HSD17B4: variants seen among roughly 807,000 people sequenced by gnomAD.
The protein encoded by HSD17B4 is hydroxysteroid 17-beta dehydrogenase 4, also known as peroxisomal multifunctional enzyme type 2.
In HSD17B4, 70 loss-of-function variants were observed where a neutral mutation model predicts 101.0. The observed-to-expected ratio is 0.69, with a 90% confidence interval of 0.57 to 0.85. The LOEUF is 0.85. HSD17B4 is among the 40% of genes least tolerant of loss of function. The probability of loss-of-function intolerance (pLI) is 0.00; values close to 1 mark genes in which losing one functional copy is unlikely to be tolerated. For missense variants in HSD17B4, 984 were observed against 892.4 expected (o/e 1.10, Z -1.31); for synonymous variants, 347 against 297.1 (o/e 1.17, Z -1.73).
At chr5:119,484,777 C>T (rs1749463295) in intron 8 of HSD17B4, among the ~76,000 whole-genome samples, 1 of 152,136 alleles carries the variant, frequency 6.6e-6, no homozygotes, top group African/African-American at 2.4e-5. Flanking sequence ...TTGCCAAGAG[C>T]TGTGTCTAAC....
Position 119,536,519 on chromosome 5 carries a change from A to C in HSD17B4, c.2090A>C (p.Glu697Ala). Residue 697 changes from glutamate to alanine, a missense_variant, in exon 23 of 24, where the codon GAG becomes GCG. By Grantham distance (107) the Glu-to-Ala change is moderately radical. Coordinates refer to ENST00000510025, the MANE Select transcript of HSD17B4 (RefSeq NM_000414.4). ...TIILSDEDFM[E>A]VVLGKLDPQK... ...ATACTTTCAGATGAAGATTTCATGG[A>C]GGTGGTCCTGGGCAAGCTTGACCCT... The C allele has an allele frequency of 6.2e-7, 1 of 1,612,070 alleles. No homozygotes were observed. The highest frequency in any genetic ancestry group is 8.5e-7 in the Non-Finnish European group (1 of 1,178,412).
At chr5:119,469,725 T>G (rs1756170169) in intron 2 of HSD17B4, among the ~76,000 whole-genome samples, 1 of 152,212 alleles carries the variant, frequency 6.6e-6, no homozygotes, top group African/African-American at 2.4e-5. Flanking sequence ...ATCTTCCCCT[T>G]TTATGAATTA....
intron 9 of HSD17B4, among the ~76,000 whole-genome samples, chr5:119,489,692 A>T (rs866680596): frequency 6.6e-6 from 1 of 152,198 alleles, no homozygotes; most frequent in Non-Finnish European, 1.5e-5. Flanking sequence ...ACTACAAGTC[A>T]TATTTTAAAC....
At chr5:119,495,545 A>G (rs1200208476) in intron 11 of HSD17B4, among the ~76,000 whole-genome samples, 1 of 152,344 alleles carries the variant, frequency 6.6e-6, no homozygotes. Flanking sequence ...TCAACTAAAT[A>G]GTCTTCCCTC....
intron 23 of HSD17B4, among the ~76,000 whole-genome samples, chr5:119,536,929 A>G (rs919326207): frequency 6.6e-6 from 1 of 152,142 alleles, no homozygotes; most frequent in Non-Finnish European, 1.5e-5. Flanking sequence ...CTTAGGGTGA[A>G]TCTTAGAGGC....
rs111239597 is a variant in HSD17B4 at position 119,515,058 on chromosome 5, T to G, written c.1503+12T>G. On this transcript the variant is annotated intron_variant, in intron 17 of 23. Transcript: ENST00000510025. ...CCTCTCTTAATCAGGTAAGATTGTATTTTTGAAAAATGATAAATCCACCTG... is the reference window on the plus strand; with the variant it reads ...CCTCTCTTAATCAGGTAAGATTGTAGTTTTGAAAAATGATAAATCCACCTG... 2.2e-4 allele frequency: 339 copies of G among 1,512,244 alleles called. 1 individual carries two copies. In the African/African-American group the frequency reaches 4.4e-3, roughly 20 times the overall value. 93.7% of individuals were successfully genotyped at this position (1,512,244 alleles called of 1,614,324 possible).
chr5:119,462,233 C>A (rs560398397), intron 2 of HSD17B4, among the ~76,000 whole-genome samples: 1 of 146,036 alleles, frequency 6.8e-6, no homozygotes, highest in Non-Finnish European at 1.5e-5. Context: ...TTCATATCCT[C>A]CCCCAACAAA....
chr5:119,506,981 TA>T, intron 15 of HSD17B4, 92 bp downstream of exon 15: 1 of 665,286 alleles, frequency 1.5e-6, no homozygotes, highest in Non-Finnish European at 2.7e-6. Context: ...ATTAATAAGT[TA>T]GTATTTGTCT....
chr5:119,523,180 C>T (rs1337958317), intron 17 of HSD17B4, among the ~76,000 whole-genome samples: 1 of 151,522 alleles, frequency 6.6e-6, no homozygotes, highest in Non-Finnish European at 1.5e-5. Flanking sequence ...GCACTAGTTT[C>T]CTGAGCCTAT....
chr5:119,452,662 C>A (rs1418364176), intron 1 of HSD17B4, 29 bp downstream of exon 1: 1 of 1,613,242 alleles, frequency 6.2e-7, no homozygotes. Context: ...GAGGCCGCGC[C>A]CCTTGCTGAG....
intron 7 of HSD17B4, 45 bp downstream of exon 7, chr5:119,477,546 C>T (rs1234772876): frequency 4.9e-6 from 6 of 1,229,950 alleles, no homozygotes; most frequent in Non-Finnish European, 7.2e-6. Flanking sequence ...GATGTTGTGT[C>T]TGGGGGTTCT....
chr5:119,465,018 A>ATT (rs545653476), intron 2 of HSD17B4, among the ~76,000 whole-genome samples: 1 of 141,540 alleles, frequency 7.1e-6, no homozygotes. Context: ...GAATTTTAGG[A>ATT]TTTTTTTTTT....
rs746137075 is a variant in HSD17B4 at position 119,509,128 on chromosome 5, A to G, written c.1334-13A>G. 5 of 1,373,754 alleles carry G rather than the reference A, an allele frequency of 3.6e-6. No homozygotes were observed. In the Admixed American group the frequency reaches 6.7e-5, roughly 18 times the overall value. The allele number at this position is 1,373,754 out of a possible 1,614,324, so 85.1% of individuals were successfully genotyped here. A position where few individuals can be genotyped will look rare whatever the true frequency, so the allele number is the denominator to read the frequency against. ...GGTAACTTCTTTTATTTTTTCTTTT[A>G]TTTACTTTTCAGTCTATTCTTATTC... On this transcript the variant is annotated splice_polypyrimidine_tract_variant and intron_variant, in intron 15 of 23. Coordinates refer to ENST00000510025, the MANE Select transcript of HSD17B4 (RefSeq NM_000414.4).
rs760183124 is a variant in HSD17B4, at chr5:119,489,172, G to A, written c.623-20G>A. ...GAAAGTAAAATGATTGATAAGATAT[G>A]TGTATATTCTTTATTTCAGATCTTG... On this transcript the variant is annotated intron_variant, in intron 8 of 23. Transcript: ENST00000510025. The A allele has an allele frequency of 5.6e-6, 8 of 1,429,590 alleles. No individual in the cohort carries two copies. The highest frequency in any genetic ancestry group is 1.1e-5 in the South Asian group (1 of 87,326). 88.6% of individuals were successfully genotyped at this position (1,429,590 alleles called of 1,614,324 possible). A position where few individuals can be genotyped will look rare whatever the true frequency, so the allele number is the denominator to read the frequency against.
At chr5:119,471,712 A>G (rs1442415721) in intron 2 of HSD17B4, 2 of 1,376,776 alleles carry the variant, frequency 1.5e-6, no homozygotes, top group Non-Finnish European at 2.0e-6. Context: ...TAATTCTCTT[A>G]AGTTCTGTTT....
intron 22 of HSD17B4, among the ~76,000 whole-genome samples, chr5:119,535,525 A>C (rs1244693209): frequency 6.6e-6 from 1 of 151,570 alleles, no homozygotes; most frequent in Non-Finnish European, 1.5e-5. Context: ...GTTTGTTTTT[A>C]GTTGATGCTT....
chr5:119,459,846 C>T (rs116036642), intron 2 of HSD17B4, among the ~76,000 whole-genome samples: 10,866 of 151,696 alleles, frequency 0.072, 536 homozygotes, highest in Non-Finnish European at 0.11. Flanking sequence ...CCTCACAATT[C>T]AATCACTTTT....
At chr5:119,460,858 A>G (rs1029594331) in intron 2 of HSD17B4, among the ~76,000 whole-genome samples, 8 of 150,014 alleles carry the variant, frequency 5.3e-5, no homozygotes, top group African/African-American at 2.0e-4. Context: ...GACTGCAGGA[A>G]GTGAAGGAGT....
At chr5:119,510,925 C>A (rs1484488504) in intron 16 of HSD17B4, among the ~76,000 whole-genome samples, 3 of 152,140 alleles carry the variant, frequency 2.0e-5, no homozygotes, top group African/African-American at 7.2e-5. Flanking sequence ...GACTTGTGAG[C>A]CTCTATTTCT....
Sources: allele counts gnomAD v4.1 joint callset (sites outside exome capture counted in the v4.1 genomes callset), GRCh38; gene constraint gnomAD v4.1.1; transcripts MANE v1.5; gene names NCBI Gene and HGNC (gene_info 2026-07-23, HGNC 2026-07-21).